The following SIPA1L1 variants were observed in gnomAD, a reference collection of about 807,000 sequenced individuals.
SIPA1L1 encodes signal-induced proliferation-associated 1-like protein 1.
In SIPA1L1, 26 loss-of-function variants were observed where a neutral mutation model predicts 162.7. The ratio of observed to expected loss-of-function variants is 0.16; its 90% confidence interval spans 0.12 to 0.22. SIPA1L1 has a LOEUF of 0.22. Ranked by LOEUF, SIPA1L1 falls within the 10% of genes least tolerant of loss-of-function variation. The pLI is 1.00. For synonymous variants in SIPA1L1, 829 were observed against 837.4 expected (o/e 0.99, Z 0.17); for missense variants, 1,874 against 2,241.0 (o/e 0.84, Z 3.31).
At chr14:71,687,097 A>G (rs1054161237) in intron 13 of SIPA1L1, among the ~76,000 whole-genome samples, 3 of 152,256 alleles carry the variant, frequency 2.0e-5, no homozygotes, top group Admixed American at 6.5e-5. Context: ...CCATGTAGAA[A>G]TAATTTAATA....
At chr14:71,431,313 CAAAT>C (rs1050295180) in intron 2 of SIPA1L1, among the ~76,000 whole-genome samples, 2 of 152,018 alleles carry the variant, frequency 1.3e-5, no homozygotes, top group Non-Finnish European at 2.9e-5. Context: ...TGAAAAGAGG[CAAAT>C]AAAGTAAAAA....
At chr14:71,383,641 G>C (rs1183382040) in intron 2 of SIPA1L1, among the ~76,000 whole-genome samples, 5 of 152,138 alleles carry the variant, frequency 3.3e-5, no homozygotes, top group African/African-American at 1.2e-4. Context: ...GCCTCTGGAA[G>C]CTTACAATCA....
chr14:71,508,048 G>A (rs1282672967), intron 2 of SIPA1L1, among the ~76,000 whole-genome samples: 1 of 152,198 alleles, frequency 6.6e-6, no homozygotes, highest in African/African-American at 2.4e-5. Context: ...ACAGTCTTGG[G>A]GACTGTGGAG....
At chr14:71,676,155 G>A (rs184778879) in intron 12 of SIPA1L1, among the ~76,000 whole-genome samples, 21 of 149,610 alleles carry the variant, frequency 1.4e-4, no homozygotes, top group African/African-American at 4.6e-4. Flanking sequence ...TTAGGGGGGC[G>A]TGCTGGCACA....
At chr14:71,601,071 C>T (rs560087854) in intron 5 of SIPA1L1, among the ~76,000 whole-genome samples, 20 of 152,172 alleles carry the variant, frequency 1.3e-4, no homozygotes, top group South Asian at 1.0e-3. Context: ...TCATCTTTTC[C>T]GATTTAGATG....
intron 2 of SIPA1L1, among the ~76,000 whole-genome samples, chr14:71,345,394 A>G (rs1199940693): frequency 6.6e-6 from 1 of 152,160 alleles, no homozygotes; most frequent in East Asian, 1.9e-4. Context: ...TCACCTCTGT[A>G]GGATTAAGCC....
intron 7 of SIPA1L1, among the ~76,000 whole-genome samples, chr14:71,632,406 T>C (rs1192018917): frequency 1.3e-5 from 2 of 152,192 alleles, no homozygotes; most frequent in Non-Finnish European, 2.9e-5. Context: ...TAGAAAACTT[T>C]AAAACAGGAA....
At chr14:71,428,464 G>A (rs1318356448) in intron 2 of SIPA1L1, among the ~76,000 whole-genome samples, 2 of 151,534 alleles carry the variant, frequency 1.3e-5, no homozygotes, top group Non-Finnish European at 2.9e-5. Context: ...TAAATTTAAG[G>A]TCTTTTCAGA....
At chr14:71,541,771 T>A (rs1045839434) in intron 4 of SIPA1L1, among the ~76,000 whole-genome samples, 21 of 152,168 alleles carry the variant, frequency 1.4e-4, no homozygotes, top group African/African-American at 4.8e-4. Flanking sequence ...AAACTCTGTC[T>A]CTGACAACAG....
At position 71,678,792 on chromosome 14, in the gene SIPA1L1, A is replaced by C. The variant is rs138556902; in HGVS notation, c.3104+6170A>C. The stretch of plus-strand genomic sequence containing the variant: ...CCTGGACTTTTCTTGGTGGTAGGCT[A>C]TTAATTATTGCCTCAATTTCAGAGC... On this transcript the variant is annotated intron_variant, in intron 12 of 23. Transcript: ENST00000381232. Among the ~76,000 whole-genome samples the C allele has an allele frequency of 5.0e-4, 76 of 152,114 alleles. 1 individual carries two copies. In the South Asian group the frequency reaches 0.015, roughly 30 times the overall value.
At chr14:71,366,554 C>T (rs1017249500) in intron 2 of SIPA1L1, among the ~76,000 whole-genome samples, 1 of 152,176 alleles carries the variant, frequency 6.6e-6, no homozygotes, top group Non-Finnish European at 1.5e-5. Flanking sequence ...CTGCCTCAGC[C>T]TCTCGAGTAG....
At chr14:71,365,730 A>ATT (rs745583708) in intron 2 of SIPA1L1, among the ~76,000 whole-genome samples, 168 of 140,538 alleles carry the variant, frequency 1.2e-3, no homozygotes, top group African/African-American at 4.1e-3. Context: ...GCTATTAAGT[A>ATT]TTTTTTTTTT....
At chr14:71,638,537 G>A (rs531509528) in intron 7 of SIPA1L1, among the ~76,000 whole-genome samples, 1 of 152,326 alleles carries the variant, frequency 6.6e-6, no homozygotes, top group Admixed American at 6.5e-5. Context: ...TCAGCTTGAT[G>A]AAGAACATCT....
intron 17 of SIPA1L1, among the ~76,000 whole-genome samples, chr14:71,720,967 A>G (rs2083669918): frequency 1.3e-5 from 2 of 152,008 alleles, no homozygotes; most frequent in Admixed American, 1.3e-4. Flanking sequence ...GGTTCATTTG[A>G]TGAGGTTATG....
chr14:71,668,987 G>A (rs765956187), intron 10 of SIPA1L1, among the ~76,000 whole-genome samples: 1 of 152,138 alleles, frequency 6.6e-6, no homozygotes, highest in Non-Finnish European at 1.5e-5. Context: ...TTATTATCAA[G>A]AGTTCAGAAT....
chr14:71,474,719 C>T (rs1052633080), intron 2 of SIPA1L1, among the ~76,000 whole-genome samples: 2 of 152,204 alleles, frequency 1.3e-5, no homozygotes, highest in East Asian at 1.9e-4. Context: ...GAATCCCTCC[C>T]CTGATTGGTA....
intron 2 of SIPA1L1, among the ~76,000 whole-genome samples, chr14:71,476,615 G>A (rs1369948943): frequency 1.3e-5 from 2 of 151,108 alleles, no homozygotes; most frequent in African/African-American, 4.9e-5. Context: ...AAACTTTTTT[G>A]TGCCTCCGAA....
chr14:71,334,767 C>G (rs377758813), intron 2 of SIPA1L1, among the ~76,000 whole-genome samples: 1 of 151,940 alleles, frequency 6.6e-6, no homozygotes, highest in Non-Finnish European at 1.5e-5. Flanking sequence ...CTTATATATT[C>G]TAGTTTTTTT....
chr14:71,559,094 T>C (rs1214917145), intron 4 of SIPA1L1, among the ~76,000 whole-genome samples: 1 of 148,610 alleles, frequency 6.7e-6, no homozygotes, highest in East Asian at 2.0e-4. Context: ...TGAGATGGAG[T>C]CACACTCTTA....
Sources: allele counts gnomAD v4.1 joint callset (sites outside exome capture counted in the v4.1 genomes callset), GRCh38; gene constraint gnomAD v4.1.1; transcripts MANE v1.5; gene names NCBI Gene and HGNC (gene_info 2026-07-23, HGNC 2026-07-21).